DOCK6: variants seen among roughly 807,000 people sequenced by gnomAD.
The protein encoded by DOCK6 is dedicator of cytokinesis 6.
In DOCK6, 167 loss-of-function variants were observed where a neutral mutation model predicts 230.3. That is an observed-to-expected ratio of 0.73 (90% CI 0.64 to 0.82). The LOEUF is 0.82. Ranked by LOEUF, DOCK6 falls within the 40% of genes least tolerant of loss-of-function variation. The pLI is 0.00. For synonymous variants in DOCK6, 1,148 were observed against 1,185.0 expected, an observed-to-expected ratio of 0.97 and a Z score of 0.64; for missense variants, 2,598 against 2,825.8, an observed-to-expected ratio of 0.92 and a Z score of 1.83.
intron 1 of DOCK6, among the ~76,000 whole-genome samples, chr19:11,259,431 T>TGG (rs376317740): frequency 0.047 from 6,936 of 146,336 alleles, 211 homozygotes; most frequent in Middle Eastern, 0.11. Context: ...TATTCAAGGA[T>TGG]GGGGGAGAGA....
intron 14 of DOCK6, among the ~76,000 whole-genome samples, chr19:11,239,390 C>T (rs2079903363): frequency 6.6e-6 from 1 of 152,184 alleles, no homozygotes; most frequent in Admixed American, 6.5e-5. Flanking sequence ...CTCAGGAACT[C>T]CCAGCAGGGT....
chr19:11,225,528 C>A (rs1299735678), intron 24 of DOCK6, among the ~76,000 whole-genome samples: 1 of 151,904 alleles, frequency 6.6e-6, no homozygotes, highest in Non-Finnish European at 1.5e-5. Context: ...TCTACACACA[C>A]ACACACACAC....
intron 35 of DOCK6, among the ~76,000 whole-genome samples, chr19:11,212,648 C>T (rs1305036416): frequency 1.3e-5 from 2 of 150,764 alleles, no homozygotes; most frequent in African/African-American, 2.4e-5. Flanking sequence ...CTGCAACCTC[C>T]GCCTCTCAGG....
In DOCK6 at chr19:11,243,564, C is replaced by T. The variant is rs762224064; in HGVS notation, c.1251G>A (p.Ser417=). ...SAGQLDRDSD[S]EGERRPAWTD... Reference sequence around the variant, plus strand: ...TTAGCCCCGCCTCCTCACCGCCCTCCGAGTCAGAGTCCCGGTCCAGCTGCC... The same window carrying T: ...TTAGCCCCGCCTCCTCACCGCCCTCTGAGTCAGAGTCCCGGTCCAGCTGCC... The change falls in exon 11 of 48, where the codon TCG becomes TCA. Residue 417 remains serine, a synonymous_variant. Coordinates refer to ENST00000294618, the MANE Select transcript of DOCK6 (RefSeq NM_020812.4). This position sits in a 1 kb window ranked among gnomAD's most constrained non-coding sequence, Gnocchi z 6.3. 2 of 1,603,126 alleles carry T rather than the reference C, an allele frequency of 1.2e-6. No individual in the cohort carries two copies. Among genetic ancestry groups the T allele is most frequent in the African/African-American group, 1.3e-5 (1 of 74,680 alleles).
intron 30 of DOCK6, 82 bp downstream of exon 30, chr19:11,216,832 C>T: frequency 7.0e-7 from 1 of 1,424,082 alleles, no homozygotes. Flanking sequence ...TCCACCCCTT[C>T]CCACTCAGCC....
At position 11,200,166 on chromosome 19, in the gene DOCK6, A is replaced by T. The variant is rs921003580; in HGVS notation, c.6101+142T>A. On this transcript the variant is annotated intron_variant, in intron 47 of 47. Coordinates refer to ENST00000294618, the MANE Select transcript of DOCK6 (RefSeq NM_020812.4). The surrounding 1 kb of genome is among the most constrained non-coding windows in gnomAD (Gnocchi z 4.3). Reference sequence around the variant, plus strand: ...AGTCTCTCAAAAAAAAAAACAAAAAAAAAACCGGAAACAAAACAAAGTCCA... The same window carrying T: ...AGTCTCTCAAAAAAAAAAACAAAAATAAAACCGGAAACAAAACAAAGTCCA... 2 of 934,712 alleles carry T rather than the reference A, an allele frequency of 2.1e-6. No individual in the cohort carries two copies. The highest frequency in any genetic ancestry group is 3.1e-6 in the Non-Finnish European group (2 of 654,108). 57.9% of individuals were successfully genotyped at this position (934,712 alleles called of 1,614,324 possible).
chr19:11,204,384 T>C, intron 39 of DOCK6, 53 bp from the exon 40 acceptor site: 1 of 1,591,286 alleles, frequency 6.3e-7, no homozygotes, highest in Non-Finnish European at 8.6e-7. Context: ...CTCTCCACTG[T>C]GCTCCTGTCT....
rs547574948 is a variant in DOCK6 at position 11,233,651 on chromosome 19, T to C, written c.2555-285A>G. ...GAGTTCAAGCCCAGCCCAGCCAACA[T>C]AGCGAGACTCTGTCCCTACAAAAAA... On this transcript the variant is annotated intron_variant, in intron 21 of 47. Transcript: ENST00000294618. Among the ~76,000 whole-genome samples the C allele has an allele frequency of 3.9e-4, 59 of 152,032 alleles. No homozygotes were observed. In the Middle Eastern group the frequency reaches 0.01, roughly 26 times the overall value.
Position 11,204,320 on chromosome 19 carries a change from G to A in DOCK6, c.5100C>T (p.Tyr1700=). 5.6e-6 allele frequency: 9 copies of A among 1,611,908 alleles called. No homozygotes were observed. The highest frequency in any genetic ancestry group is 1.3e-5 in the African/African-American group (1 of 74,904). The change falls in exon 40 of 48, where the codon TAC becomes TAT. Residue 1700 remains tyrosine (Y), a synonymous_variant. Coordinates refer to ENST00000294618, the MANE Select transcript of DOCK6 (RefSeq NM_020812.4). ...AAGYFTMGGL[Y]EAVNEVYKNL... ...TCTTGTAGACCTCATTCACCGCCTC[G>A]TAGAGCCCGCCCTGAGGGTGAGGTG...
At chr19:11,261,724 G>T (rs187796820) in intron 1 of DOCK6, among the ~76,000 whole-genome samples, 41 of 151,814 alleles carry the variant, frequency 2.7e-4, no homozygotes, top group Non-Finnish European at 4.7e-4. Flanking sequence ...CCCACCAGCT[G>T]GTTCTGTCCC....
At position 11,201,133 on chromosome 19, in the gene DOCK6, C is replaced by A. The variant is rs59075528; in HGVS notation, c.5689-81G>T. 1.4e-5 allele frequency: 22 copies of A among 1,544,708 alleles called. No homozygotes were observed. The East Asian group carries it at 4.9e-4, about 35-fold the overall frequency. On this transcript the variant is annotated intron_variant, in intron 44 of 47. Coordinates refer to ENST00000294618, the MANE Select transcript of DOCK6 (RefSeq NM_020812.4). This position sits in a 1 kb window ranked among gnomAD's most constrained non-coding sequence, Gnocchi z 4.3. ...AAGCCAGTCGGGGGCAGCTCAGACC[C>A]CGCTGGGAGTGAGAGGGGTCCAAGA...
chr19:11,252,089 T>G (rs780957718), intron 5 of DOCK6, 30 bp downstream of exon 5: 1 of 1,577,976 alleles, frequency 6.3e-7, no homozygotes, highest in South Asian at 1.2e-5. Flanking sequence ...CACATACCCC[T>G]TCAGTGACCC....
intron 6 of DOCK6, among the ~76,000 whole-genome samples, chr19:11,250,226 G>A (rs913769009): frequency 6.6e-6 from 1 of 151,520 alleles, no homozygotes; most frequent in African/African-American, 2.4e-5. Flanking sequence ...GGTCAGGCTG[G>A]TCTCAAACTC....
At chr19:11,241,888 A>G (rs1183805484) in intron 14 of DOCK6, 157 bp downstream of exon 14, 1 of 1,248,474 alleles carries the variant, frequency 8.0e-7, no homozygotes, top group Non-Finnish European at 1.1e-6. Flanking sequence ...TGGAGGAAGG[A>G]CATGTACCCT....
Position 11,200,281 on chromosome 19 carries a change from C to T in DOCK6, c.6101+27G>A, listed in dbSNP as rs998790080. ...TGCCTCTGCATCCCCTCTCTAGTCT[C>T]TAGGATGGGGGCACTAGGTCAGGCA... On this transcript the variant is annotated intron_variant, in intron 47 of 47. Transcript: ENST00000294618. The surrounding 1 kb of genome is among the most constrained non-coding windows in gnomAD (Gnocchi z 4.3). 6.1e-5 allele frequency: 95 copies of T among 1,549,262 alleles called. No individual in the cohort carries two copies. Among genetic ancestry groups the T allele is most frequent in the Non-Finnish European group, 7.9e-5 (91 of 1,146,388 alleles).
intron 6 of DOCK6, 117 bp downstream of exon 6, chr19:11,250,757 G>C: frequency 9.6e-7 from 1 of 1,044,124 alleles, no homozygotes; most frequent in East Asian, 2.6e-5. Context: ...ACACTGATCG[G>C]ATTAATACAG....
At chr19:11,228,584 G>C (rs187055573) in intron 23 of DOCK6, among the ~76,000 whole-genome samples, 13 of 137,224 alleles carry the variant, frequency 9.5e-5, no homozygotes, top group Admixed American at 3.8e-4. Context: ...TTTTGAGACA[G>C]AGTCTCGCTC....
chr19:11,245,736 GC>G, intron 8 of DOCK6, 24 bp from the exon 9 acceptor site: 1 of 1,604,828 alleles, frequency 6.2e-7, no homozygotes, highest in Non-Finnish European at 8.5e-7. Flanking sequence ...AGGCAGCTGG[GC>G]CACCACCTCT....
At position 11,238,208 on chromosome 19, in the gene DOCK6, C is replaced by T. The variant is rs1417045988; in HGVS notation, c.1740G>A (p.Glu580=). ...LAVRVQYMTG[E]DPSQALPVIF... ...TGACCGGCAGAGCCTGGCTGGGGTCCTCGCCTGTCATGTACTGCACTCGCA... is the reference window on the plus strand; with the variant it reads ...TGACCGGCAGAGCCTGGCTGGGGTCTTCGCCTGTCATGTACTGCACTCGCA... The change falls in exon 15 of 48, where the codon GAG becomes GAA. Residue 580 remains glutamate, a synonymous_variant. Transcript: ENST00000294618. 2 of 1,613,738 alleles carry T rather than the reference C, an allele frequency of 1.2e-6. No individual in the cohort carries two copies. Among genetic ancestry groups the T allele is most frequent in the East Asian group, 4.5e-5 (2 of 44,864 alleles).
Sources: allele counts gnomAD v4.1 joint callset (sites outside exome capture counted in the v4.1 genomes callset), GRCh38; gene constraint gnomAD v4.1.1; non-coding constraint Gnocchi (gnomAD v3.1); transcripts MANE v1.5; gene names NCBI Gene and HGNC (gene_info 2026-07-23, HGNC 2026-07-21).